Variants in LRP1B observed in about 807,000 individuals in gnomAD.
The protein encoded by LRP1B is low-density lipoprotein receptor-related protein 1B.
Under a neutral mutation model 556.6 loss-of-function variants are expected in LRP1B, and 217 were observed. The observed-to-expected ratio is 0.39, with a 90% CI of 0.35 to 0.44. The LOEUF is 0.44. Among genes scored for constraint, LRP1B ranks in the 20% least tolerant of loss-of-function variants. The probability of loss-of-function intolerance (pLI) is 1.00; values close to 1 mark genes in which losing one functional copy is unlikely to be tolerated. For synonymous variants in LRP1B, 2,047 were observed against 1,865.8 expected (o/e 1.10, Z -2.50); for missense variants, 5,053 against 5,620.8 (o/e 0.90, Z 3.23).
intron 56 of LRP1B, among the ~76,000 whole-genome samples, chr2:140,494,506 G>A (rs1412319335): frequency 6.6e-6 from 1 of 151,490 alleles, no homozygotes; most frequent in Non-Finnish European, 1.5e-5. Flanking sequence ...TTGGGAGGCT[G>A]AGGCGGGAGA....
intron 1 of LRP1B, among the ~76,000 whole-genome samples, chr2:141,811,411 A>G (rs1039857124): frequency 2.6e-5 from 4 of 152,056 alleles, no homozygotes; most frequent in African/African-American, 9.7e-5. Flanking sequence ...ATTAGGCCAT[A>G]ACTTAATTGA....
At chr2:141,267,512 A>T (rs2105362579) in intron 3 of LRP1B, among the ~76,000 whole-genome samples, 1 of 152,282 alleles carries the variant, frequency 6.6e-6, no homozygotes, top group Non-Finnish European at 1.5e-5. Context: ...GGTGTTTGGG[A>T]TATTACATAC....
intron 1 of LRP1B, among the ~76,000 whole-genome samples, chr2:141,986,733 T>C (rs1204912981): frequency 6.6e-6 from 1 of 151,962 alleles, no homozygotes; most frequent in Non-Finnish European, 1.5e-5. Context: ...TAAATAGGAA[T>C]GGAATGGAAA....
At chr2:142,047,192 A>T (rs1449498) in intron 1 of LRP1B, among the ~76,000 whole-genome samples, 2 of 151,672 alleles carry the variant, frequency 1.3e-5, no homozygotes, top group Non-Finnish European at 2.9e-5. Context: ...TGCCATTTAC[A>T]TGGTAGTATA....
intron 35 of LRP1B, among the ~76,000 whole-genome samples, chr2:140,751,070 G>A (rs1158004020): frequency 1.4e-5 from 2 of 142,174 alleles, no homozygotes; most frequent in Admixed American, 7.6e-5. Flanking sequence ...TCGGCTCACT[G>A]CAACTTCCAC....
intron 41 of LRP1B, among the ~76,000 whole-genome samples, chr2:140,612,652 C>G (rs1683110069): frequency 6.6e-6 from 1 of 152,102 alleles, no homozygotes; most frequent in African/African-American, 2.4e-5. Context: ...GTTTGAAACT[C>G]AGTGATTGAG....
At chr2:141,561,471 T>C (rs1009212332) in intron 2 of LRP1B, among the ~76,000 whole-genome samples, 1 of 151,834 alleles carries the variant, frequency 6.6e-6, no homozygotes, top group Non-Finnish European at 1.5e-5. Flanking sequence ...ACAGCAAAGA[T>C]GGGAATCTTG....
intron 1 of LRP1B, among the ~76,000 whole-genome samples, chr2:141,904,057 G>A (rs555873386): frequency 2.0e-5 from 3 of 152,046 alleles, no homozygotes; most frequent in Middle Eastern, 6.8e-3. Flanking sequence ...AGGCAAAAAC[G>A]CATAGAATCA....
At position 141,055,104 on chromosome 2, in the gene LRP1B, T is replaced by G. The variant is rs759858119; in HGVS notation, c.1552+12A>C. 6.2e-7 allele frequency: 1 copy of G among 1,611,226 alleles called. No homozygotes were observed. The highest frequency in any genetic ancestry group is 1.7e-5 in the Admixed American group (1 of 59,632). On this transcript the variant is annotated intron_variant, in intron 10 of 90. Transcript: ENST00000389484. Reference sequence around the variant, plus strand: ...GGTAGCTGCTGGCAAATGTTTTATTTTAACAACATACTTTTGCATGACCTG... The same window carrying G: ...GGTAGCTGCTGGCAAATGTTTTATTGTAACAACATACTTTTGCATGACCTG...
intron 41 of LRP1B, among the ~76,000 whole-genome samples, chr2:140,655,891 C>G (rs886402027): frequency 2.6e-5 from 4 of 151,034 alleles, no homozygotes; most frequent in Admixed American, 6.7e-5. Flanking sequence ...TGCAGTGAGA[C>G]GAGATCCCGC....
chr2:142,031,138 T>G (rs1312810544), intron 1 of LRP1B, among the ~76,000 whole-genome samples: 1 of 151,812 alleles, frequency 6.6e-6, no homozygotes, highest in African/African-American at 2.4e-5. Flanking sequence ...TATGTTTCTG[T>G]GTTAACTTTC....
chr2:142,067,966 C>G (rs1402985743), intron 1 of LRP1B, among the ~76,000 whole-genome samples: 1 of 151,464 alleles, frequency 6.6e-6, no homozygotes, highest in African/African-American at 2.4e-5. Context: ...AATATGGTAC[C>G]TCCTACAAGG....
intron 4 of LRP1B, among the ~76,000 whole-genome samples, chr2:141,252,523 A>C (rs1201627134): frequency 2.0e-5 from 3 of 152,200 alleles, no homozygotes; most frequent in African/African-American, 2.4e-5. Flanking sequence ...AGTAATACTG[A>C]ATGAAATTAA....
At chr2:140,772,748 G>T (rs948353368) in intron 33 of LRP1B, among the ~76,000 whole-genome samples, 4 of 152,144 alleles carry the variant, frequency 2.6e-5, no homozygotes, top group African/African-American at 9.7e-5. Context: ...AAAGGCTGGG[G>T]AGACATCCGC....
chr2:141,003,322 A>G (rs1300868678), intron 15 of LRP1B, among the ~76,000 whole-genome samples: 1 of 152,066 alleles, frequency 6.6e-6, no homozygotes, highest in African/African-American at 2.4e-5. Flanking sequence ...TAAATTCCAA[A>G]TGTTCTACTT....
intron 84 of LRP1B, among the ~76,000 whole-genome samples, chr2:140,285,099 CTCTA>C (rs1413447960): frequency 2.0e-5 from 3 of 149,492 alleles, no homozygotes; most frequent in African/African-American, 2.5e-5. Context: ...ATATCTCTCT[CTCTA>C]TATATATATG....
intron 5 of LRP1B, among the ~76,000 whole-genome samples, chr2:141,231,634 C>A (rs1683476243): frequency 6.7e-6 from 1 of 149,512 alleles, no homozygotes; most frequent in Non-Finnish European, 1.5e-5. Context: ...CGCCCCGCCA[C>A]CCACAACCTC....
Position 140,985,596 on chromosome 2 carries a change from C to T in LRP1B, c.2771-3320G>A, listed in dbSNP as rs76693338. Among the ~76,000 whole-genome samples, 7 of 151,918 alleles carry T rather than the reference C, an allele frequency of 4.6e-5. No homozygotes were observed. In the East Asian group the frequency reaches 9.7e-4, roughly 21 times the overall value. Reference sequence around the variant, plus strand: ...TAGACAACAATATTCTGGATGTTGACAGAGAACGGCTACCAACACCCTGAC... The same window carrying T: ...TAGACAACAATATTCTGGATGTTGATAGAGAACGGCTACCAACACCCTGAC... On this transcript the variant is annotated intron_variant, in intron 17 of 90. Transcript: ENST00000389484.
At chr2:140,265,524 G>A (rs1358897691) in intron 86 of LRP1B, among the ~76,000 whole-genome samples, 1 of 151,786 alleles carries the variant, frequency 6.6e-6, no homozygotes, top group Non-Finnish European at 1.5e-5. Context: ...ATTTCTATGT[G>A]GAAAAAACTG....
Sources: gnomAD v4.1 joint callset for allele counts (sites outside exome capture counted in the v4.1 genomes callset) on GRCh38, gnomAD v4.1.1 for gene constraint, MANE v1.5 for transcripts, NCBI Gene and HGNC (gene_info 2026-07-23, HGNC 2026-07-21) for gene names.